FBXL17: variants seen among roughly 807,000 people sequenced by gnomAD.
FBXL17 encodes F-box/LRR-repeat protein 17.
A neutral mutation model predicts 66.2 loss-of-function variants in FBXL17; 22 were observed. That is an observed-to-expected ratio of 0.33 (90% CI 0.24 to 0.47). The LOEUF (loss-of-function observed/expected upper bound fraction) is 0.47. FBXL17 is among the 20% of genes least tolerant of loss of function. The probability of loss-of-function intolerance (pLI) is 1.00; values close to 1 mark genes in which losing one functional copy is unlikely to be tolerated. For missense variants in FBXL17, 878 were observed against 948.2 expected, an observed-to-expected ratio of 0.93 and a Z score of 0.97; for synonymous variants, 474 against 400.5, an observed-to-expected ratio of 1.18 and a Z score of -2.19.
intron 4 of FBXL17, among the ~76,000 whole-genome samples, chr5:108,347,874 T>G (rs77552683): frequency 1.3e-3 from 197 of 152,312 alleles, no homozygotes; most frequent in African/African-American, 4.7e-3. Flanking sequence ...TTAAGCACAA[T>G]ATATTAAATG....
At chr5:107,973,661 G>A (rs1267028864) in intron 7 of FBXL17, among the ~76,000 whole-genome samples, 3 of 151,940 alleles carry the variant, frequency 2.0e-5, no homozygotes, top group Non-Finnish European at 4.4e-5. Context: ...AGCATTCCAA[G>A]TGTTTGTAAC....
At position 108,061,877 on chromosome 5, in the gene FBXL17, TA is replaced by T. The variant is rs1365912217; in HGVS notation, c.1746-40877del. ...CTCTCTAGGCTTCATTTTTTGTACT[TA>T]AAAAAAAAAAAGCCAAGGGAAATAC... On this transcript the variant is annotated intron_variant, in intron 6 of 8. Transcript: ENST00000542267. Among the ~76,000 whole-genome samples, 1,162 of 141,400 alleles carry T rather than the reference TA, an allele frequency of 8.2e-3. 3 individuals carry two copies. Among genetic ancestry groups the T allele is most frequent in the African/African-American group, 0.02 (759 of 38,910 alleles). The allele number at this position is 141,400 out of a possible 152,430, so 92.8% of individuals were successfully genotyped here. A position where few individuals can be genotyped will look rare whatever the true frequency, so the allele number is the denominator to read the frequency against.
chr5:108,228,189 T>C (rs1164295092), intron 4 of FBXL17, among the ~76,000 whole-genome samples: 1 of 152,142 alleles, frequency 6.6e-6, no homozygotes, highest in African/African-American at 2.4e-5. Flanking sequence ...GATTGTGTCA[T>C]GGGGATACAG....
chr5:108,208,448 T>G (rs760098022), intron 5 of FBXL17, among the ~76,000 whole-genome samples: 3 of 152,234 alleles, frequency 2.0e-5, no homozygotes, highest in Non-Finnish European at 4.4e-5. Context: ...GACCTAGGTC[T>G]TACGTTTAAG....
intron 7 of FBXL17, among the ~76,000 whole-genome samples, chr5:107,917,189 C>T (rs921804452): frequency 2.0e-5 from 3 of 152,132 alleles, no homozygotes; most frequent in African/African-American, 7.2e-5. Flanking sequence ...TGTTAACTTG[C>T]TAGAAGAGAG....
intron 6 of FBXL17, among the ~76,000 whole-genome samples, chr5:108,176,330 T>C (rs1404528174): frequency 2.0e-5 from 3 of 152,152 alleles, no homozygotes; most frequent in African/African-American, 7.2e-5. Context: ...CATCTTTTTA[T>C]GGCCTGAAAA....
intron 7 of FBXL17, among the ~76,000 whole-genome samples, chr5:107,995,926 T>C (rs1258640788): frequency 6.6e-6 from 1 of 152,140 alleles, no homozygotes; most frequent in Non-Finnish European, 1.5e-5. Context: ...GAATCTGTAG[T>C]TGATGAAACA....
At chr5:108,143,378 T>C (rs894490529) in intron 6 of FBXL17, among the ~76,000 whole-genome samples, 8 of 139,224 alleles carry the variant, frequency 5.7e-5, no homozygotes, top group African/African-American at 2.0e-4. Flanking sequence ...CACACACATA[T>C]ACAAATAACA....
chr5:108,226,097 A>G (rs1473732291), intron 4 of FBXL17, among the ~76,000 whole-genome samples: 1 of 152,140 alleles, frequency 6.6e-6, no homozygotes. Flanking sequence ...GATTTTCTTC[A>G]TAACACTTAT....
chr5:108,162,812 G>C (rs1205621053), intron 6 of FBXL17, among the ~76,000 whole-genome samples: 1 of 152,098 alleles, frequency 6.6e-6, no homozygotes, highest in East Asian at 1.9e-4. Context: ...AATAGTAACT[G>C]TCAGAATCAG....
At chr5:108,024,415 C>G (rs1441907310) in intron 6 of FBXL17, among the ~76,000 whole-genome samples, 1 of 152,164 alleles carries the variant, frequency 6.6e-6, no homozygotes, top group African/African-American at 2.4e-5. Flanking sequence ...CAGGGAATCA[C>G]AGAACAATCA....
chr5:108,007,218 T>C (rs977140506), intron 7 of FBXL17, among the ~76,000 whole-genome samples: 1 of 152,062 alleles, frequency 6.6e-6, no homozygotes, highest in African/African-American at 2.4e-5. Context: ...GGCCCTGGAG[T>C]CCATCTTTTC....
intron 7 of FBXL17, among the ~76,000 whole-genome samples, chr5:107,957,507 T>A (rs1751710509): frequency 6.6e-6 from 1 of 152,164 alleles, no homozygotes; most frequent in African/African-American, 2.4e-5. Flanking sequence ...AGGACTACAC[T>A]CAAAAATGAT....
At chr5:107,908,904 T>A (rs994762028) in intron 7 of FBXL17, among the ~76,000 whole-genome samples, 5 of 152,184 alleles carry the variant, frequency 3.3e-5, no homozygotes, top group African/African-American at 1.2e-4. Flanking sequence ...CTTATGGATC[T>A]GGGACAGTGA....
At chr5:108,278,832 C>A (rs1389654468) in intron 4 of FBXL17, among the ~76,000 whole-genome samples, 1 of 152,218 alleles carries the variant, frequency 6.6e-6, no homozygotes, top group Non-Finnish European at 1.5e-5. Flanking sequence ...GGTGCATGCA[C>A]TTGCCACTGG....
At chr5:108,101,730 G>A (rs933606817) in intron 6 of FBXL17, among the ~76,000 whole-genome samples, 22 of 152,168 alleles carry the variant, frequency 1.4e-4, no homozygotes, top group African/African-American at 5.3e-4. Flanking sequence ...CATGGGCAGG[G>A]AAAAGTATTG....
rs142755809 is a variant in FBXL17, at chr5:108,285,267, G to A, written c.1507-61039C>T. 4.1e-3 allele frequency among the ~76,000 whole-genome samples: 622 copies of A among 151,832 alleles called. 3 individuals carry two copies. Among genetic ancestry groups the A allele is most frequent in the Non-Finnish European group, 6.9e-3 (466 of 67,796 alleles). On this transcript the variant is annotated intron_variant, in intron 4 of 8. Coordinates refer to ENST00000542267, the MANE Select transcript of FBXL17 (RefSeq NM_001163315.3). ...CCCTCAAAGTCATTCAAGAGAGTTGGAATAAACTTCCTCCAAGCTTCTGTT... is the reference window on the plus strand; with the variant it reads ...CCCTCAAAGTCATTCAAGAGAGTTGAAATAAACTTCCTCCAAGCTTCTGTT...
intron 6 of FBXL17, among the ~76,000 whole-genome samples, chr5:108,103,976 T>C (rs932607747): frequency 3.9e-5 from 6 of 152,216 alleles, no homozygotes; most frequent in Non-Finnish European, 5.9e-5. Flanking sequence ...GTATGCCTTA[T>C]GCTGGGTCTT....
intron 4 of FBXL17, among the ~76,000 whole-genome samples, chr5:108,310,363 TTAC>T (rs776443789): frequency 3.9e-5 from 6 of 152,194 alleles, no homozygotes; most frequent in Non-Finnish European, 5.9e-5. Flanking sequence ...TTGACCTCAA[TTAC>T]TACATGTTTT....
Sources: allele counts gnomAD v4.1 joint callset (sites outside exome capture counted in the v4.1 genomes callset), GRCh38; gene constraint gnomAD v4.1.1; transcripts MANE v1.5; gene names NCBI Gene and HGNC (gene_info 2026-07-23, HGNC 2026-07-21).